Variants in AVEN observed in about 807,000 individuals in gnomAD.
The protein encoded by AVEN is apoptosis and caspase activation inhibitor.
A neutral mutation model predicts 38.1 loss-of-function variants in AVEN; 41 were observed. The ratio of observed to expected loss-of-function variants is 1.08; its 90% confidence interval spans 0.84 to 1.40. The LOEUF is 1.40. Among genes scored for constraint, AVEN ranks in the 40% most tolerant of loss-of-function variants. The pLI is 0.00. For missense variants in AVEN, 605 were observed against 438.8 expected (o/e 1.38, Z -3.38); for synonymous variants, 206 against 171.8 (o/e 1.20, Z -1.56).
intron 2 of AVEN, among the ~76,000 whole-genome samples, chr15:33,888,486 C>T (rs1891797267): frequency 6.6e-6 from 1 of 152,108 alleles, no homozygotes; most frequent in African/African-American, 2.4e-5. Flanking sequence ...AATGCAGGTA[C>T]TGTGGGATGT....
chr15:33,903,772 A>G (rs1263898094), intron 2 of AVEN, among the ~76,000 whole-genome samples: 1 of 152,260 alleles, frequency 6.6e-6, no homozygotes, highest in African/African-American at 2.4e-5. Flanking sequence ...GTGTATATAC[A>G]GTCATGCATC....
chr15:33,985,617 A>T (rs1020892295), intron 2 of AVEN, among the ~76,000 whole-genome samples: 1 of 151,982 alleles, frequency 6.6e-6, no homozygotes, highest in African/African-American at 2.4e-5. Flanking sequence ...AGCTCTCCCA[A>T]CAATATTCTG....
At chr15:33,983,534 C>T (rs1896283110) in intron 2 of AVEN, among the ~76,000 whole-genome samples, 1 of 152,016 alleles carries the variant, frequency 6.6e-6, no homozygotes, top group East Asian at 1.9e-4. Context: ...TTGTCCAAGG[C>T]AATTCTTGGC....
At chr15:33,857,721 A>T, downstream of AVEN, 1 of 1,602,548 alleles carries the variant, frequency 6.2e-7, no homozygotes, top group South Asian at 1.1e-5. Context: ...GTCTCCTGTG[A>T]ACCTTTCAAG....
intron 2 of AVEN, chr15:33,991,262 CCTT>C (rs1896709534): frequency 1.3e-5 from 2 of 152,080 alleles, no homozygotes; most frequent in African/African-American, 4.8e-5. Flanking sequence ...AAAATACAGA[CCTT>C]CTAACACTTT....
chr15:33,914,525 T>G (rs1893045969), intron 2 of AVEN, among the ~76,000 whole-genome samples: 1 of 151,392 alleles, frequency 6.6e-6, no homozygotes, highest in Non-Finnish European at 1.5e-5. Context: ...GCCTCCAGGA[T>G]CTAAATATAA....
In AVEN at chr15:34,063,817, C is replaced by G. The variant is rs778435512; in HGVS notation, n.1127-385G>C. ...CCAAACTACCTTCTGTCTCCAGCAG[C>G]TGCTCATAGACCCAAGAGTCAGAAA... On this transcript the variant is annotated intron_variant and non_coding_transcript_variant, in intron 4 of 11. Transcript: ENST00000675287. This position sits in a 1 kb window ranked among gnomAD's most constrained non-coding sequence, Gnocchi z 4.1. 2.5e-6 allele frequency: 4 copies of G among 1,614,230 alleles called. No individual in the cohort carries two copies.
rs753116422 is a variant in AVEN at position 34,073,845 on chromosome 15, C to T, written n.720+591G>A. Among the ~76,000 whole-genome samples the T allele has an allele frequency of 4.3e-4, 65 of 151,792 alleles. 1 individual carries two copies. Among genetic ancestry groups the T allele is most frequent in the Admixed American group, 1.8e-3 (28 of 15,236 alleles). Reference sequence around the variant, plus strand: ...CAGGGAGCTCTTATCCATAACTAAACGTAGATTAGAAAGAGATTACTTCTG... The same window carrying T: ...CAGGGAGCTCTTATCCATAACTAAATGTAGATTAGAAAGAGATTACTTCTG... On this transcript the variant is annotated intron_variant and non_coding_transcript_variant, in intron 1 of 11. Transcript: ENST00000675287.
At chr15:33,885,633 C>T (rs1891669637) in intron 2 of AVEN, 1 of 152,044 alleles carries the variant, frequency 6.6e-6, no homozygotes, top group Non-Finnish European at 1.5e-5. Flanking sequence ...AGTGTAGGGC[C>T]CAAAAAGCCC....
At position 33,873,094 on chromosome 15, in the gene AVEN, CTTTTTTTT is replaced by C. The variant is rs34223352; in HGVS notation, c.517-2072_517-2065del. 3.9e-4 allele frequency among the ~76,000 whole-genome samples: 33 copies of C among 85,108 alleles called. 1 individual carries two copies. The highest frequency in any genetic ancestry group is 4.7e-4 in the Non-Finnish European group (22 of 47,264). The allele number at this position is 85,108 out of a possible 152,430, so 55.8% of individuals were successfully genotyped here. A position where few individuals can be genotyped will look rare whatever the true frequency, so the allele number is the denominator to read the frequency against. The stretch of plus-strand genomic sequence containing the variant: ...AAAACATATTTCTACTTTTCCTTTT[CTTTTTTTT>C]TTTTTTTTTTTTTTTTTGAGATGGA... On this transcript the variant is annotated intron_variant, in intron 3 of 5. Coordinates refer to ENST00000306730, the MANE Select transcript of AVEN (RefSeq NM_020371.3).
intron 2 of AVEN, among the ~76,000 whole-genome samples, chr15:33,887,307 G>A (rs1056307725): frequency 6.6e-6 from 1 of 152,176 alleles, no homozygotes; most frequent in Non-Finnish European, 1.5e-5. Flanking sequence ...ACTAAACCAT[G>A]AGTTGTCTCC....
At chr15:34,055,591 G>T (rs1250191391) in intron 5 of AVEN, among the ~76,000 whole-genome samples, 2 of 151,860 alleles carry the variant, frequency 1.3e-5, no homozygotes, top group Non-Finnish European at 2.9e-5. Flanking sequence ...CATGAGGTCA[G>T]GAGATCAAGA....
At chr15:33,907,386 G>A (rs1485209235) in intron 2 of AVEN, among the ~76,000 whole-genome samples, 1 of 152,082 alleles carries the variant, frequency 6.6e-6, no homozygotes, top group East Asian at 1.9e-4. Flanking sequence ...GAAAGGCTGG[G>A]GTATCAACAT....
chr15:33,880,332 T>C (rs781263496), intron 2 of AVEN, among the ~76,000 whole-genome samples: 12 of 152,140 alleles, frequency 7.9e-5, no homozygotes, highest in African/African-American at 1.4e-4. Flanking sequence ...CTAAGGCATT[T>C]ATCAATTTTC....
At chr15:33,927,620 C>A (rs964484400) in intron 2 of AVEN, among the ~76,000 whole-genome samples, 2 of 152,132 alleles carry the variant, frequency 1.3e-5, no homozygotes, top group Non-Finnish European at 2.9e-5. Context: ...CTTCCAAGGC[C>A]TTGGGAGGCC....
intron 1 of AVEN, among the ~76,000 whole-genome samples, chr15:34,010,453 A>G (rs1897589041): frequency 6.6e-6 from 1 of 152,164 alleles, no homozygotes; most frequent in Non-Finnish European, 1.5e-5. Context: ...ACCAGACAAC[A>G]GATCCTATTT....
At chr15:33,885,941 C>G (rs1446786345) in intron 2 of AVEN, among the ~76,000 whole-genome samples, 2 of 152,110 alleles carry the variant, frequency 1.3e-5, no homozygotes, top group African/African-American at 4.8e-5. Flanking sequence ...GCATCAAACC[C>G]TGGCACAGAA....
At chr15:33,932,838 CAAAT>C (rs542804184) in intron 2 of AVEN, among the ~76,000 whole-genome samples, 22 of 147,110 alleles carry the variant, frequency 1.5e-4, no homozygotes, top group Admixed American at 2.7e-4. Context: ...AATAAACAAA[CAAAT>C]AAATAAATAA....
At chr15:33,866,039 T>C (rs1289916523), downstream of AVEN, 1 of 154,008 alleles carries the variant, frequency 6.5e-6, no homozygotes, top group Non-Finnish European at 1.4e-5. Flanking sequence ...GGAGCTGCTC[T>C]GTTTAGGTGA....
Sources: allele counts gnomAD v4.1 joint callset (sites outside exome capture counted in the v4.1 genomes callset), GRCh38; gene constraint gnomAD v4.1.1; non-coding constraint Gnocchi (gnomAD v3.1); transcripts MANE v1.5; gene names NCBI Gene and HGNC (gene_info 2026-07-23, HGNC 2026-07-21).